The following SRGAP3 variants were observed in gnomAD, a reference collection of about 807,000 sequenced individuals.
The protein encoded by SRGAP3 is SLIT-ROBO Rho GTPase activating protein 3.
A neutral mutation model predicts 121.1 loss-of-function variants in SRGAP3; 39 were observed. That is an observed-to-expected ratio of 0.32 (90% CI 0.25 to 0.42). The LOEUF is 0.42. SRGAP3 is among the 10% of genes least tolerant of loss of function. SRGAP3 has a pLI of 1.00. For missense variants in SRGAP3, 1,213 were observed against 1,470.6 expected, an observed-to-expected ratio of 0.82 and a Z score of 2.86; for synonymous variants, 601 against 570.0, an observed-to-expected ratio of 1.05 and a Z score of -0.77.
At chr3:8,998,733 G>A (rs1010665678) in intron 18 of SRGAP3, among the ~76,000 whole-genome samples, 3 of 152,026 alleles carry the variant, frequency 2.0e-5, no homozygotes, top group Admixed American at 2.0e-4. Flanking sequence ...GGACAAACAG[G>A]CACTCAATAC....
At chr3:8,997,779 C>A (rs1460238892) in intron 18 of SRGAP3, among the ~76,000 whole-genome samples, 1 of 152,174 alleles carries the variant, frequency 6.6e-6, no homozygotes, top group African/African-American at 2.4e-5. Context: ...ATATATCTAT[C>A]CACCCTTCTA....
chr3:9,238,136 C>T (rs1371265080), intron 1 of SRGAP3, among the ~76,000 whole-genome samples: 3 of 152,174 alleles, frequency 2.0e-5, no homozygotes, highest in Admixed American at 2.0e-4. Flanking sequence ...AAAATGCCAA[C>T]TGTGGGTGAG....
At chr3:9,059,681 GTAC>G in intron 6 of SRGAP3, 1 of 203,500 alleles carries the variant, frequency 4.9e-6, no homozygotes, top group South Asian at 9.0e-5. Context: ...TGCACAGCGG[GTAC>G]TCGGGAGTCA....
intron 16 of SRGAP3, 64 bp from the exon 17 acceptor site, chr3:9,013,599 T>C: frequency 1.3e-6 from 2 of 1,587,656 alleles, no homozygotes; most frequent in South Asian, 2.2e-5. Context: ...GTGTTTTTTT[T>C]CTTTTGGGGG....
At chr3:9,255,111 T>C (rs1954103862) in intron 3 of SRGAP3, among the ~76,000 whole-genome samples, 1 of 152,200 alleles carries the variant, frequency 6.6e-6, no homozygotes, top group Non-Finnish European at 1.5e-5. Flanking sequence ...TGCCACTGAA[T>C]TGTACACTTT....
chr3:9,136,637 T>C (rs930250294), intron 1 of SRGAP3, among the ~76,000 whole-genome samples: 1 of 152,184 alleles, frequency 6.6e-6, no homozygotes, highest in African/African-American at 2.4e-5. Context: ...TATTAAATAA[T>C]ACCACGTTAG....
intron 4 of SRGAP3, among the ~76,000 whole-genome samples, chr3:9,070,212 A>T (rs565808776): frequency 6.6e-6 from 1 of 152,378 alleles, no homozygotes; most frequent in Non-Finnish European, 1.5e-5. Context: ...CTGGAAGTTG[A>T]CAGCATCCAT....
intron 18 of SRGAP3, among the ~76,000 whole-genome samples, chr3:8,999,537 G>A (rs1006223427): frequency 2.0e-5 from 3 of 152,144 alleles, no homozygotes; most frequent in African/African-American, 7.2e-5. Flanking sequence ...ATGTCCCTCT[G>A]CCTACCCCAC....
chr3:8,981,729 G>A lies in SRGAP3; in HGVS notation c.*3790C>T, dbSNP rs948311411. ...TGTTTATAAGGCAGATCTCTGAACTGCTGGTTCCAGCCGATAGCCAAAATA... is the reference window on the plus strand; with the variant it reads ...TGTTTATAAGGCAGATCTCTGAACTACTGGTTCCAGCCGATAGCCAAAATA... On this transcript the variant is annotated 3_prime_UTR_variant, in exon 22 of 22. Coordinates refer to ENST00000383836, the MANE Select transcript of SRGAP3 (RefSeq NM_014850.4). The A allele has an allele frequency of 1.7e-5, 4 of 230,288 alleles. No homozygotes were observed. Among genetic ancestry groups the A allele is most frequent in the Non-Finnish European group, 8.6e-6 (1 of 116,006 alleles). 14.3% of individuals were successfully genotyped at this position (230,288 alleles called of 1,614,324 possible). A position where few individuals can be genotyped will look rare whatever the true frequency, so the allele number is the denominator to read the frequency against.
intron 1 of SRGAP3, among the ~76,000 whole-genome samples, chr3:9,214,426 C>T (rs545572270): frequency 6.6e-6 from 1 of 152,310 alleles, no homozygotes; most frequent in African/African-American, 2.4e-5. Context: ...CTGCTTTGCA[C>T]AAACCCAGGC....
chr3:9,263,882 C>T (rs528365065), intron 3 of SRGAP3, among the ~76,000 whole-genome samples: 52 of 152,326 alleles, frequency 3.4e-4, no homozygotes, highest in African/African-American at 1.0e-3. Flanking sequence ...AAGCCAGCAT[C>T]ATCCTGATAC....
intron 8 of SRGAP3, among the ~76,000 whole-genome samples, chr3:9,054,363 C>A (rs1945722133): frequency 6.6e-6 from 1 of 152,198 alleles, no homozygotes; most frequent in Non-Finnish European, 1.5e-5. Flanking sequence ...ATGATAAAAC[C>A]TTAGTCTGCA....
chr3:9,228,954 C>T (rs1435989198), intron 1 of SRGAP3, among the ~76,000 whole-genome samples: 3 of 150,196 alleles, frequency 2.0e-5, no homozygotes, highest in South Asian at 2.1e-4. Context: ...CCCAGCTACT[C>T]GGGAGGCTGA....
intron 3 of SRGAP3, among the ~76,000 whole-genome samples, chr3:9,294,356 A>T (rs1167147346): frequency 6.6e-6 from 1 of 152,190 alleles, no homozygotes; most frequent in Non-Finnish European, 1.5e-5. Flanking sequence ...GAAACAGCAC[A>T]CACTGGGGCC....
chr3:8,980,886 C>T lies in SRGAP3; in HGVS notation c.*4633G>A, dbSNP rs1003711594. ...GAAGCAATCAGAATCAAACCTATTG[C>T]CAAACCATGTAAACAGTCACACTGC... On this transcript the variant is annotated 3_prime_UTR_variant, in exon 22 of 22. Transcript: ENST00000383836. 2 of 233,194 alleles carry T rather than the reference C, an allele frequency of 8.6e-6. No homozygotes were observed. Among genetic ancestry groups the T allele is most frequent in the Non-Finnish European group, 1.7e-5 (2 of 117,810 alleles). 14.4% of individuals were successfully genotyped at this position (233,194 alleles called of 1,614,324 possible).
At chr3:9,258,252 G>C (rs990529022) in intron 3 of SRGAP3, among the ~76,000 whole-genome samples, 2 of 152,206 alleles carry the variant, frequency 1.3e-5, no homozygotes, top group Non-Finnish European at 2.9e-5. Context: ...GCTGAGCTTA[G>C]AAAGACAAAC....
intron 3 of SRGAP3, among the ~76,000 whole-genome samples, chr3:9,314,298 G>A (rs933200778): frequency 2.0e-5 from 3 of 152,142 alleles, no homozygotes; most frequent in Non-Finnish European, 4.4e-5. Flanking sequence ...GCTCATGCCT[G>A]TAATTCCAAC....
intron 3 of SRGAP3, among the ~76,000 whole-genome samples, chr3:9,276,433 T>G (rs1176388202): frequency 5.3e-5 from 8 of 151,670 alleles, no homozygotes; most frequent in East Asian, 1.9e-4. Flanking sequence ...TGTTTGTTTT[T>G]TTTTTTTTTT....
chr3:9,144,923 T>G (rs1486889256), intron 1 of SRGAP3, among the ~76,000 whole-genome samples: 1 of 152,216 alleles, frequency 6.6e-6, no homozygotes, highest in African/African-American at 2.4e-5. Context: ...CTTGGCACAG[T>G]GCCTGAGTAT....
Sources: allele counts gnomAD v4.1 joint callset (sites outside exome capture counted in the v4.1 genomes callset), GRCh38; gene constraint gnomAD v4.1.1; transcripts MANE v1.5; gene names NCBI Gene and HGNC (gene_info 2026-07-23, HGNC 2026-07-21).